The following TMEFF2 variants were observed in gnomAD, a reference collection of about 807,000 sequenced individuals.
TMEFF2 encodes tomoregulin-2.
A neutral mutation model predicts 53.8 loss-of-function variants in TMEFF2; 28 were observed. That is an observed-to-expected ratio of 0.52 (90% CI 0.39 to 0.71). The LOEUF (loss-of-function observed/expected upper bound fraction) is 0.71, where lower values mean the gene tolerates loss of function less well. Ranked by LOEUF, TMEFF2 falls within the 30% of genes least tolerant of loss-of-function variation. TMEFF2 has a pLI of 0.00. For synonymous variants in TMEFF2, 162 were observed against 166.3 expected (o/e 0.97, Z 0.20); for missense variants, 353 against 455.2 (o/e 0.78, Z 2.04).
intron 4 of TMEFF2, among the ~76,000 whole-genome samples, chr2:192,134,905 T>C (rs983566256): frequency 6.6e-6 from 1 of 152,158 alleles, no homozygotes. Context: ...ACTAATGGTC[T>C]ATTAAAAACA....
rs117730409 is a variant in TMEFF2, at chr2:191,987,371, G to A, written c.745+10891C>T. The stretch of plus-strand genomic sequence containing the variant: ...AGCTATATACTTTGTTATAGACATC[G>A]AAAGTTGGAAAGACAACATCATAAT... On this transcript the variant is annotated intron_variant, in intron 7 of 9. Coordinates refer to ENST00000272771, the MANE Select transcript of TMEFF2 (RefSeq NM_016192.4). Among the ~76,000 whole-genome samples the A allele has an allele frequency of 9.1e-4, 137 of 151,216 alleles. No individual in the cohort carries two copies. In the East Asian group the frequency reaches 0.025, roughly 28 times the overall value.
At chr2:192,079,925 A>AATAAGTT (rs1419557703) in intron 4 of TMEFF2, among the ~76,000 whole-genome samples, 1 of 152,230 alleles carries the variant, frequency 6.6e-6, no homozygotes, top group Non-Finnish European at 1.5e-5. Context: ...CCTTAATCCA[A>AATAAGTT]ATAAGTTTAC....
At chr2:192,085,362 A>G (rs1688646999) in intron 4 of TMEFF2, among the ~76,000 whole-genome samples, 1 of 152,130 alleles carries the variant, frequency 6.6e-6, no homozygotes, top group African/African-American at 2.4e-5. Context: ...GCGAGGCCAA[A>G]ATGAGATAAA....
At chr2:192,019,643 TTTTC>T (rs898974833) in intron 5 of TMEFF2, among the ~76,000 whole-genome samples, 2 of 152,054 alleles carry the variant, frequency 1.3e-5, no homozygotes, top group African/African-American at 4.8e-5. Flanking sequence ...TGTCTTTTTT[TTTTC>T]TTTTTCAGGG....
chr2:192,140,373 T>C (rs1387919673), intron 4 of TMEFF2, among the ~76,000 whole-genome samples: 2 of 152,218 alleles, frequency 1.3e-5, no homozygotes, highest in Non-Finnish European at 2.9e-5. Flanking sequence ...AAGCTCACTA[T>C]GAGCTAACCA....
At chr2:192,002,881 A>G (rs1043870756) in intron 5 of TMEFF2, among the ~76,000 whole-genome samples, 2 of 152,094 alleles carry the variant, frequency 1.3e-5, no homozygotes, top group African/African-American at 4.8e-5. Flanking sequence ...GGAAAAGGAA[A>G]TGTTGTGACT....
At chr2:192,190,524 T>C (rs1366858436) in intron 2 of TMEFF2, among the ~76,000 whole-genome samples, 1 of 152,202 alleles carries the variant, frequency 6.6e-6, no homozygotes, top group Admixed American at 6.5e-5. Context: ...CTGTTTAATG[T>C]GGCTGCAGAC....
At chr2:192,118,101 G>C (rs563646314) in intron 4 of TMEFF2, among the ~76,000 whole-genome samples, 2 of 151,888 alleles carry the variant, frequency 1.3e-5, no homozygotes, top group South Asian at 4.2e-4. Flanking sequence ...CTACTTGAGA[G>C]ACATTTGTTT....
intron 7 of TMEFF2, among the ~76,000 whole-genome samples, chr2:191,973,561 TGAATCTCTAATGTCATGAGAGGGCTAAA>T (rs1470217129): frequency 3.3e-5 from 5 of 151,656 alleles, no homozygotes; most frequent in Non-Finnish European, 5.9e-5. Flanking sequence ...AAATATTCAG[TGAATCTCTAATGTCATGAGAGGGCTAAA>T]GGCAGAGAAC....
rs149461066 is a variant in TMEFF2 at position 192,015,412 on chromosome 2, C to T, written c.537-16204G>A. Among the ~76,000 whole-genome samples the T allele has an allele frequency of 2.1e-5, 3 of 140,436 alleles. No individual in the cohort carries two copies. In the South Asian group the frequency reaches 7.0e-4, roughly 33 times the overall value. The allele number at this position is 140,436 out of a possible 152,430, so 92.1% of individuals were successfully genotyped here. ...TTGGTCCATTCAGCTACATAATCTG[C>T]GATATGTGTGCCCCTTTAAAATAAT... is the stretch of plus-strand genomic sequence containing the variant. On this transcript the variant is annotated intron_variant, in intron 5 of 9. Transcript: ENST00000272771.
chr2:192,058,754 C>T, intron 4 of TMEFF2, among the ~76,000 whole-genome samples: 1 of 152,144 alleles, frequency 6.6e-6, no homozygotes, highest in East Asian at 1.9e-4. Context: ...AGATCATATA[C>T]ATTTAAAAAC....
intron 4 of TMEFF2, among the ~76,000 whole-genome samples, chr2:192,152,684 T>C (rs1026755499): frequency 1.3e-5 from 2 of 151,948 alleles, no homozygotes; most frequent in Admixed American, 1.3e-4. Flanking sequence ...AAAAAGACAA[T>C]TATTTAATCA....
intron 7 of TMEFF2, among the ~76,000 whole-genome samples, chr2:191,986,888 G>C: frequency 6.7e-6 from 1 of 148,272 alleles, no homozygotes; most frequent in Non-Finnish European, 1.5e-5. Flanking sequence ...AAGTGTGTTT[G>C]AAGCAGCAAG....
Position 192,184,628 on chromosome 2 carries a change from G to C in TMEFF2, c.283-145C>G. The C allele has an allele frequency of 1.7e-5, 19 of 1,102,754 alleles. No individual in the cohort carries two copies. In the South Asian group the frequency reaches 3.7e-4, roughly 22 times the overall value. The allele number at this position is 1,102,754 out of a possible 1,614,324, so 68.3% of individuals were successfully genotyped here. On this transcript the variant is annotated intron_variant, in intron 2 of 9. Coordinates refer to ENST00000272771, the MANE Select transcript of TMEFF2 (RefSeq NM_016192.4). ...TTGTGTCCAATAAGTCTTTATAAGG[G>C]CATCATTGAAAGATGCACAAAGCCA...
intron 4 of TMEFF2, among the ~76,000 whole-genome samples, chr2:192,102,963 G>A (rs1435060067): frequency 2.0e-5 from 3 of 151,584 alleles, no homozygotes; most frequent in South Asian, 2.1e-4. Context: ...TGAGCATTCC[G>A]TGGTGTGGAA....
rs1405582567 is a variant in TMEFF2 at position 191,998,965 on chromosome 2, A to G, written c.685+95T>C. ...TGTAAATAAGCACTGCATTTTGGAA[A>G]TGGAATAGCTGCCTAATAAGGAGTT... On this transcript the variant is annotated intron_variant, in intron 6 of 9. Transcript: ENST00000272771. 3.9e-6 allele frequency: 5 copies of G among 1,293,326 alleles called. No individual in the cohort carries two copies. The East Asian group carries it at 1.2e-4, about 30-fold the overall frequency. 80.1% of individuals were successfully genotyped at this position (1,293,326 alleles called of 1,614,324 possible). A position where few individuals can be genotyped will look rare whatever the true frequency, so the allele number is the denominator to read the frequency against.
intron 7 of TMEFF2, among the ~76,000 whole-genome samples, chr2:191,988,801 T>TTG (rs1286353689): frequency 6.0e-3 from 1 of 168 alleles, no homozygotes; most frequent in East Asian, 0.25. Context: ...GAGGTTTTTT[T>TTG]TTTTTGTTTT....
chr2:191,956,070 T>G (rs1692074749), intron 8 of TMEFF2, among the ~76,000 whole-genome samples, 185 bp downstream of exon 8: 1 of 151,134 alleles, frequency 6.6e-6, no homozygotes. Flanking sequence ...TGCACATATT[T>G]TTGTTTTTTT....
chr2:191,985,367 A>G (rs1685952018), intron 7 of TMEFF2, among the ~76,000 whole-genome samples: 1 of 152,194 alleles, frequency 6.6e-6, no homozygotes, highest in Non-Finnish European at 1.5e-5. Context: ...TCACATATGG[A>G]ATAACATTCA....
Sources: allele counts gnomAD v4.1 joint callset (sites outside exome capture counted in the v4.1 genomes callset), GRCh38; gene constraint gnomAD v4.1.1; transcripts MANE v1.5; gene names NCBI Gene and HGNC (gene_info 2026-07-23, HGNC 2026-07-21).